The following BPIFB3 variants were observed in gnomAD, a reference collection of about 807,000 sequenced individuals.
BPIFB3 encodes the protein BPI fold-containing family B member 3.
BPIFB3 carries 49 observed loss-of-function variants against 53.1 expected under a neutral mutation model. The ratio of observed to expected loss-of-function variants is 0.92; its 90% confidence interval spans 0.73 to 1.17. BPIFB3 has a LOEUF of 1.17. Among genes scored for constraint, BPIFB3 ranks in the 50% most tolerant of loss-of-function variants. The probability of loss-of-function intolerance (pLI) is 0.00; values close to 1 mark genes in which losing one functional copy is unlikely to be tolerated. For synonymous variants in BPIFB3, 271 were observed against 269.6 expected (o/e 1.01, Z -0.05); for missense variants, 628 against 592.5 (o/e 1.06, Z -0.62).
At chr20:33,071,045 T>C (rs1980863147) in intron 11 of BPIFB3, among the ~76,000 whole-genome samples, 2 of 152,062 alleles carry the variant, frequency 1.3e-5, no homozygotes, top group Non-Finnish European at 2.9e-5. Context: ...GAGGTGGTGG[T>C]CATGATGCCT....
chr20:33,055,730 C>G (rs985746190), intron 1 of BPIFB3, among the ~76,000 whole-genome samples, 183 bp downstream of exon 2: 24 of 152,224 alleles, frequency 1.6e-4, no homozygotes, highest in African/African-American at 5.8e-4. Context: ...CTTGAATGGG[C>G]GATGAATTCC....
chr20:33,065,904 G>C (rs1980651509), intron 8 of BPIFB3, among the ~76,000 whole-genome samples: 1 of 152,232 alleles, frequency 6.6e-6, no homozygotes, highest in Admixed American at 6.5e-5. Flanking sequence ...CTGAGCTGGG[G>C]AGAGGGTGTC....
intron 1 of BPIFB3, among the ~76,000 whole-genome samples, chr20:33,055,990 C>T (rs1986882515): frequency 6.6e-6 from 1 of 152,164 alleles, no homozygotes; most frequent in Admixed American, 6.5e-5. Context: ...CAGAGAGGCC[C>T]CCTGGCCTGC....
At chr20:33,062,133 AT>A (rs1199235532) in intron 5 of BPIFB3, among the ~76,000 whole-genome samples, 2 of 152,250 alleles carry the variant, frequency 1.3e-5, no homozygotes, top group Non-Finnish European at 2.9e-5. Context: ...TTTTCTTTAA[AT>A]TAGCGTGAAA....
chr20:33,072,691 T>G lies in BPIFB3; in HGVS notation c.1325-26T>G, dbSNP rs1185885078. 5 of 1,599,126 alleles carry G rather than the reference T, an allele frequency of 3.1e-6. No homozygotes were observed. The Admixed American group carries it at 8.3e-5, about 27-fold the overall frequency. On this transcript the variant is annotated intron_variant, in intron 13 of 14. Transcript: ENST00000375494. ...CAAGAGCTCCCCACCAATGTACCTTTGTTTTCAACGATTCTCTTTTCACAG... is the reference window on the plus strand; with the variant it reads ...CAAGAGCTCCCCACCAATGTACCTTGGTTTTCAACGATTCTCTTTTCACAG...
chr20:33,059,390 G>A, exon 3 of BPIFB3: 2 of 1,611,494 alleles, frequency 1.2e-6, no homozygotes, highest in Non-Finnish European at 1.7e-6. Flanking sequence ...TGAAGATTGA[G>A]GAGCTCACGC....
At chr20:33,069,888 G>T (rs1731837912) in exon 11 of BPIFB3, 2 of 1,614,194 alleles carry the variant, frequency 1.2e-6, no homozygotes, top group Non-Finnish European at 1.7e-6. Flanking sequence ...GCCCATGCAG[G>T]TCATGACTGT....
intron 10 of BPIFB3, 80 bp downstream of exon 11, chr20:33,069,053 C>A: frequency 6.8e-7 from 1 of 1,468,088 alleles, no homozygotes; most frequent in South Asian, 1.3e-5. Context: ...GTGGAGGTAC[C>A]GTCCCCCTGA....
chr20:33,072,388 C>T (rs1285645603), intron 13 of BPIFB3, among the ~76,000 whole-genome samples: 1 of 152,162 alleles, frequency 6.6e-6, no homozygotes, highest in Non-Finnish European at 1.5e-5. Context: ...CTGATCTGAC[C>T]TCAGTCCTGC....
chr20:33,063,442 G>A (rs1397587152), intron 5 of BPIFB3, among the ~76,000 whole-genome samples, 173 bp from the exon 7 acceptor site: 1 of 152,182 alleles, frequency 6.6e-6, no homozygotes, highest in African/African-American at 2.4e-5. Flanking sequence ...GACACCTCAA[G>A]CCCCCAGCCC....
exon 1 of BPIFB3, chr20:33,055,473 T>C: frequency 6.2e-7 from 1 of 1,613,810 alleles, no homozygotes; most frequent in Admixed American, 1.7e-5. Context: ...CTCTGGGGCC[T>C]GGCGACTCCA....
rs754799678 is a variant in BPIFB3, at chr20:33,063,639, CT to C, written c.617del (p.Leu206ArgfsTer4). On this transcript the variant is annotated frameshift_variant, in exon 6 of 15. Transcript: ENST00000375494. LOFTEE classifies it high-confidence loss of function. Reference sequence around the variant, plus strand: ...GCTGTGCCCCGTGGTGGACAGTGTGCTGGGTGTGGTGAATGAGCTCCTGGGG... The same window carrying C: ...GCTGTGCCCCGTGGTGGACAGTGTGCGGGTGTGGTGAATGAGCTCCTGGGG... 1 of 1,614,052 alleles carries C rather than the reference CT, an allele frequency of 6.2e-7. No individual in the cohort carries two copies. The highest frequency in any genetic ancestry group is 2.2e-5 in the East Asian group (1 of 44,882).
chr20:33,058,758 G>A (rs1434679246), intron 2 of BPIFB3, among the ~76,000 whole-genome samples: 2 of 151,992 alleles, frequency 1.3e-5, no homozygotes, highest in African/African-American at 4.8e-5. Flanking sequence ...GGCAGGGTGG[G>A]ATAGGCGCTC....
chr20:33,059,097 C>T (rs1053230003), intron 2 of BPIFB3, among the ~76,000 whole-genome samples: 1 of 152,084 alleles, frequency 6.6e-6, no homozygotes, highest in African/African-American at 2.4e-5. Flanking sequence ...GAGCCTCTAG[C>T]GGTGATGATG....
intron 4 of BPIFB3, 79 bp downstream of exon 5, chr20:33,060,110 C>T (rs1386948199): frequency 1.3e-6 from 2 of 1,547,994 alleles, no homozygotes; most frequent in African/African-American, 2.7e-5. Context: ...CCCAGGTCTC[C>T]CTGGAGCTGC....
chr20:33,064,533 A>G, exon 7 of BPIFB3: 1 of 1,613,884 alleles, frequency 6.2e-7, no homozygotes, highest in Non-Finnish European at 8.5e-7. Flanking sequence ...ACCAGTACAT[A>G]GAACTGGACA....
intron 6 of BPIFB3, among the ~76,000 whole-genome samples, chr20:33,064,151 T>C (rs992418900): frequency 6.6e-6 from 1 of 152,112 alleles, no homozygotes; most frequent in Non-Finnish European, 1.5e-5. Flanking sequence ...AATAGAAAAC[T>C]TGGGGCCGGT....
In BPIFB3 at chr20:33,068,705, C is replaced by A. The variant is rs938404689; in HGVS notation, c.979-98C>A. 6 of 1,271,166 alleles carry A rather than the reference C, an allele frequency of 4.7e-6. No individual in the cohort carries two copies. In the African/African-American group the frequency reaches 7.3e-5, roughly 16 times the overall value. The allele number at this position is 1,271,166 out of a possible 1,614,324, so 78.7% of individuals were successfully genotyped here. On this transcript the variant is annotated intron_variant, in intron 9 of 14. Coordinates refer to ENST00000375494, the Ensembl canonical transcript of BPIFB3. ...CAGGCTGTAACCTCGTTGCCCAGCA[C>A]GTTGCCCAGTGCCTGGTAGGTGCTT...
At chr20:33,064,402 T>C (rs1375035143) in intron 6 of BPIFB3, 55 bp from the exon 8 acceptor site, 2 of 1,417,870 alleles carry the variant, frequency 1.4e-6, no homozygotes, top group African/African-American at 1.4e-5. Flanking sequence ...ATAGGGGCTA[T>C]TATGATTGGG....
Sources: allele counts gnomAD v4.1 joint callset (sites outside exome capture counted in the v4.1 genomes callset), GRCh38; gene constraint gnomAD v4.1.1; transcripts MANE v1.5; gene names NCBI Gene and HGNC (gene_info 2026-07-23, HGNC 2026-07-21).